Variants in CPNE4 observed in about 807,000 individuals in gnomAD.
The protein encoded by CPNE4 is copine 4.
A neutral mutation model predicts 67.9 loss-of-function variants in CPNE4; 25 were observed. The observed-to-expected ratio is 0.37, with a 90% CI of 0.27 to 0.51. The LOEUF (loss-of-function observed/expected upper bound fraction) is 0.51, where lower values mean the gene tolerates loss of function less well. CPNE4 is among the 20% of genes least tolerant of loss of function. The pLI, the probability that CPNE4 is intolerant of heterozygous loss-of-function variation, is 0.93. For missense variants in CPNE4, 464 were observed against 690.8 expected, an observed-to-expected ratio of 0.67 and a Z score of 3.68; for synonymous variants, 242 against 244.9, an observed-to-expected ratio of 0.99 and a Z score of 0.11.
Position 131,814,572 on chromosome 3 carries a change from A to ATTTTTTTT in CPNE4, c.180+90684_180+90691dup, listed in dbSNP as rs71136418. Reference sequence around the variant, plus strand: ...TGGAAGCATAAAATATTGAAATGCAATTTTTTTTTTTTTTTTTTTTTTTTT... The same window carrying ATTTTTTTT: ...TGGAAGCATAAAATATTGAAATGCAATTTTTTTTTTTTTTTTTTTTTTTTTTTTTTTTT... On this transcript the variant is annotated intron_variant, in intron 2 of 15. Transcript: ENST00000429747. Among the ~76,000 whole-genome samples the ATTTTTTTT allele has an allele frequency of 1.5e-4, 11 of 71,134 alleles. 2 individuals are homozygous for ATTTTTTTT. The highest frequency in any genetic ancestry group is 3.9e-4 in the East Asian group (1 of 2,572). 46.7% of individuals were successfully genotyped at this position (71,134 alleles called of 152,430 possible).
intron 2 of CPNE4, among the ~76,000 whole-genome samples, chr3:131,776,324 A>G (rs1453294163): frequency 7.1e-6 from 1 of 141,146 alleles, no homozygotes; most frequent in African/African-American, 2.5e-5. Context: ...ATTTCAAGAA[A>G]CAGAGTTTCA....
intron 7 of CPNE4, among the ~76,000 whole-genome samples, chr3:131,633,145 CTTG>C (rs1374657173): frequency 6.6e-6 from 1 of 152,206 alleles, no homozygotes; most frequent in African/African-American, 2.4e-5. Context: ...TTCAGGAAAT[CTTG>C]TTGGTTTTAC....
At chr3:131,801,446 G>A (rs1384677027) in intron 2 of CPNE4, among the ~76,000 whole-genome samples, 140 of 85,140 alleles carry the variant, frequency 1.6e-3, no homozygotes, top group African/African-American at 6.5e-3. Flanking sequence ...GTGTGTGTGT[G>A]TGTGTGTATA....
intron 11 of CPNE4, among the ~76,000 whole-genome samples, chr3:131,555,854 C>A (rs954951942): frequency 6.6e-6 from 1 of 152,070 alleles, no homozygotes; most frequent in African/African-American, 2.4e-5. Context: ...TCCACTTCAA[C>A]TTTCAACTTT....
intron 5 of CPNE4, among the ~76,000 whole-genome samples, chr3:131,687,084 T>G (rs2080910143): frequency 6.6e-6 from 1 of 152,104 alleles, no homozygotes; most frequent in Non-Finnish European, 1.5e-5. Context: ...CCTCCATGGG[T>G]TTCTCTTCTG....
At chr3:131,934,504 G>A (rs572482743) in intron 1 of CPNE4, among the ~76,000 whole-genome samples, 1 of 152,196 alleles carries the variant, frequency 6.6e-6, no homozygotes, top group South Asian at 2.1e-4. Context: ...ATGGTGCTTT[G>A]CTGCACCCAC....
At chr3:131,986,204 C>T (rs2073037305) in intron 1 of CPNE4, among the ~76,000 whole-genome samples, 1 of 152,166 alleles carries the variant, frequency 6.6e-6, no homozygotes, top group Non-Finnish European at 1.5e-5. Flanking sequence ...TAATGGCAAA[C>T]CAGCTCTCTA....
chr3:132,023,551 G>C lies in CPNE4; in HGVS notation c.-2+11016C>G, dbSNP rs796894743. On this transcript the variant is annotated intron_variant, in intron 1 of 15. Transcript: ENST00000429747. ...CGCCCAGGCTGGAGTGCAGTGGCGG[G>C]ATCTCGGCTCACTGCAAGCTCCGCC... is the stretch of plus-strand genomic sequence containing the variant. 5.6e-3 allele frequency among the ~76,000 whole-genome samples: 747 copies of C among 134,578 alleles called. 5 individuals carry two copies. The highest frequency in any genetic ancestry group is 0.021 in the African/African-American group (721 of 35,016). The allele number at this position is 134,578 out of a possible 152,430, so 88.3% of individuals were successfully genotyped here.
At chr3:131,893,059 C>A (rs1005896839) in intron 2 of CPNE4, among the ~76,000 whole-genome samples, 7 of 151,920 alleles carry the variant, frequency 4.6e-5, no homozygotes, top group African/African-American at 1.7e-4. Context: ...AGACAAAAAA[C>A]AAGACCCAGC....
intron 2 of CPNE4, 113 bp from the exon 3 acceptor site, chr3:131,723,738 C>A (rs563860144): frequency 7.4e-6 from 7 of 946,772 alleles, no homozygotes; most frequent in South Asian, 6.7e-5. Context: ...TGCTCCCCAG[C>A]AAGTCATTGG....
intron 1 of CPNE4, among the ~76,000 whole-genome samples, chr3:132,029,023 A>T (rs1050773112): frequency 2.6e-4 from 39 of 152,182 alleles, no homozygotes; most frequent in African/African-American, 8.7e-4. Flanking sequence ...AGACACTTTT[A>T]AACACCTCAC....
chr3:131,764,335 C>G (rs2082957760), intron 2 of CPNE4, among the ~76,000 whole-genome samples: 2 of 151,534 alleles, frequency 1.3e-5, no homozygotes, highest in South Asian at 4.2e-4. Flanking sequence ...CAAGATATTT[C>G]AAACTAATAA....
At chr3:131,548,259 A>G (rs11917475) in intron 14 of CPNE4, among the ~76,000 whole-genome samples, 1,880 of 152,260 alleles carry the variant, frequency 0.012, 33 homozygotes, top group South Asian at 0.067. Flanking sequence ...ATATATATGA[A>G]AAGTAGAGTG....
chr3:131,554,019 C>T (rs552830521), intron 12 of CPNE4, among the ~76,000 whole-genome samples: 1 of 152,110 alleles, frequency 6.6e-6, no homozygotes, highest in East Asian at 1.9e-4. Flanking sequence ...ATTAGTTACT[C>T]CAGGAAGGGA....
At chr3:131,949,969 A>G (rs550538257) in intron 1 of CPNE4, among the ~76,000 whole-genome samples, 1 of 152,340 alleles carries the variant, frequency 6.6e-6, no homozygotes, top group African/African-American at 2.4e-5. Context: ...ACCATTACAA[A>G]TAATGAATAC....
At chr3:131,740,994 C>T (rs2082344012) in intron 2 of CPNE4, among the ~76,000 whole-genome samples, 1 of 152,158 alleles carries the variant, frequency 6.6e-6, no homozygotes, top group Non-Finnish European at 1.5e-5. Flanking sequence ...ATGGCTCTTT[C>T]TCTTATTTCC....
At chr3:131,814,323 A>G (rs946259619) in intron 2 of CPNE4, among the ~76,000 whole-genome samples, 1 of 152,064 alleles carries the variant, frequency 6.6e-6, no homozygotes, top group African/African-American at 2.4e-5. Context: ...TATCTCGAAC[A>G]TTGGCAGTCA....
In CPNE4 at chr3:131,700,054, CTTTTTTT is replaced by C. The variant is rs3035263; in HGVS notation, c.361-81_361-75del. On this transcript the variant is annotated intron_variant, in intron 3 of 15. Coordinates refer to ENST00000429747, the MANE Select transcript of CPNE4 (RefSeq NM_130808.3). ...TTAACTGTAGATCTATTTTTTAAAC[CTTTTTTT>C]TTTTTTTTTTTTTTTTACAAAACTC... 1.0e-3 allele frequency: 257 copies of C among 254,490 alleles called. 1 individual carries two copies. The highest frequency in any genetic ancestry group is 1.3e-3 in the Non-Finnish European group (185 of 143,956). 15.8% of individuals were successfully genotyped at this position (254,490 alleles called of 1,614,324 possible). A position where few individuals can be genotyped will look rare whatever the true frequency, so the allele number is the denominator to read the frequency against.
At chr3:131,788,792 C>T (rs1336874405) in intron 2 of CPNE4, among the ~76,000 whole-genome samples, 3 of 151,716 alleles carry the variant, frequency 2.0e-5, no homozygotes, top group South Asian at 2.1e-4. Context: ...GAGGCTATAA[C>T]GTTAAGTGGA....
Sources: allele counts gnomAD v4.1 joint callset (sites outside exome capture counted in the v4.1 genomes callset), GRCh38; gene constraint gnomAD v4.1.1; transcripts MANE v1.5; gene names NCBI Gene and HGNC (gene_info 2026-07-23, HGNC 2026-07-21).